The following BAZ1A variants were observed in gnomAD, a reference collection of about 807,000 sequenced individuals.
BAZ1A encodes bromodomain adjacent to zinc finger domain 1A, also known as bromodomain adjacent to zinc finger domain protein 1A.
BAZ1A carries 50 observed loss-of-function variants against 185.2 expected under a neutral mutation model. That is an observed-to-expected ratio of 0.27 (90% CI 0.22 to 0.34). The LOEUF (loss-of-function observed/expected upper bound fraction) is 0.34, where lower values mean the gene tolerates loss of function less well. Ranked by LOEUF, BAZ1A falls within the 10% of genes least tolerant of loss-of-function variation. The probability of loss-of-function intolerance (pLI) is 1.00; values close to 1 mark genes in which losing one functional copy is unlikely to be tolerated. For synonymous variants in BAZ1A, 571 were observed against 615.6 expected (o/e 0.93, Z 1.07); for missense variants, 1,356 against 1,839.9 (o/e 0.74, Z 4.81).
intron 25 of BAZ1A, among the ~76,000 whole-genome samples, 180 bp from the exon 26 acceptor site, chr14:34,755,094 T>C (rs1199415090): frequency 6.6e-6 from 1 of 152,080 alleles, no homozygotes; most frequent in African/African-American, 2.4e-5. Context: ...TATACAGATA[T>C]ATATCTATAT....
intron 4 of BAZ1A, among the ~76,000 whole-genome samples, chr14:34,813,215 AACACACACAC>A: frequency 6.7e-6 from 1 of 150,006 alleles, no homozygotes; most frequent in East Asian, 2.0e-4. Flanking sequence ...AAACCTACAA[AACACACACAC>A]ACACACACAC....
intron 26 of BAZ1A, 63 bp from the exon 27 acceptor site, chr14:34,753,767 C>T: frequency 2.4e-6 from 3 of 1,262,620 alleles, no homozygotes; most frequent in Non-Finnish European, 3.1e-6. Context: ...AAATATAATT[C>T]TTGTATCATA....
intron 3 of BAZ1A, among the ~76,000 whole-genome samples, chr14:34,842,979 G>A (rs973713210): frequency 1.3e-5 from 2 of 151,640 alleles, no homozygotes; most frequent in African/African-American, 4.8e-5. Context: ...AAAAAAAAAA[G>A]GGTATATGTC....
intron 19 of BAZ1A, 79 bp downstream of exon 19, chr14:34,774,248 A>G: frequency 8.3e-7 from 1 of 1,199,470 alleles, no homozygotes; most frequent in Non-Finnish European, 1.1e-6. Flanking sequence ...TGCCTTGTCT[A>G]TGCCATATAA....
rs1156646533 is a variant in BAZ1A, at chr14:34,874,642, G to T, written c.-38C>A. 2.0e-6 allele frequency: 3 copies of T among 1,506,220 alleles called. No individual in the cohort carries two copies. The highest frequency in any genetic ancestry group is 1.8e-6 in the Non-Finnish European group (2 of 1,102,632). 93.3% of individuals were successfully genotyped at this position (1,506,220 alleles called of 1,614,324 possible). On this transcript the variant is annotated 5_prime_UTR_variant, in exon 2 of 27. Coordinates refer to ENST00000360310, the MANE Select transcript of BAZ1A (RefSeq NM_013448.3). This position sits in a 1 kb window ranked among gnomAD's most constrained non-coding sequence, Gnocchi z 4.7. Reference sequence around the variant, plus strand: ...CGCGGGCTCGCCTGGACCCTCGGCCGCCCGCGCCGGCCCCGCTTCCCTATC... The same window carrying T: ...CGCGGGCTCGCCTGGACCCTCGGCCTCCCGCGCCGGCCCCGCTTCCCTATC...
At chr14:34,794,724 A>C in intron 11 of BAZ1A, 25 bp downstream of exon 11, 1 of 1,597,788 alleles carries the variant, frequency 6.3e-7, no homozygotes, top group Non-Finnish European at 8.5e-7. Context: ...ACTATAATGT[A>C]GCAATAGATA....
chr14:34,802,859 T>C lies in BAZ1A; in HGVS notation c.856A>G (p.Ser286Gly). ...RGRPPKRIHI[S>G]QEDNVANKQT... ...TTAATCAATTCTGTACTTACTTGAC[T>C]AATATGTATTCGTTTGGGAGGTCTC... Residue 286 changes from serine to glycine, a missense_variant, in exon 7 of 27, where the codon AGT (serine) becomes GGT (glycine). Physicochemically the swap from Ser to Gly is moderately conservative, Grantham distance 56. Transcript: ENST00000360310. 1 of 1,612,670 alleles carries C rather than the reference T, an allele frequency of 6.2e-7. No homozygotes were observed. Among genetic ancestry groups the C allele is most frequent in the Non-Finnish European group, 8.5e-7 (1 of 1,179,132 alleles).
intron 3 of BAZ1A, among the ~76,000 whole-genome samples, chr14:34,839,262 T>C (rs562348129): frequency 6.6e-6 from 1 of 152,224 alleles, no homozygotes; most frequent in African/African-American, 2.4e-5. Flanking sequence ...ATTTCAGAAC[T>C]TGGCCGGGCG....
At chr14:34,828,156 G>A (rs1408975202) in intron 3 of BAZ1A, among the ~76,000 whole-genome samples, 1 of 151,942 alleles carries the variant, frequency 6.6e-6, no homozygotes, top group Non-Finnish European at 1.5e-5. Context: ...AACTGGGCGT[G>A]GTGGCACATG....
chr14:34,765,881 G>A (rs1288020033), intron 21 of BAZ1A, among the ~76,000 whole-genome samples: 2 of 152,084 alleles, frequency 1.3e-5, no homozygotes, highest in East Asian at 3.8e-4. Flanking sequence ...TTATACTGGT[G>A]TGTGATTTCC....
At position 34,753,248 on chromosome 14, in the gene BAZ1A, A is replaced by T; in HGVS notation, c.*260T>A. 2.6e-6 allele frequency: 1 copy of T among 389,282 alleles called. No individual in the cohort carries two copies. Among genetic ancestry groups the T allele is most frequent in the Non-Finnish European group, 4.6e-6 (1 of 216,178 alleles). The allele number at this position is 389,282 out of a possible 1,614,324, so 24.1% of individuals were successfully genotyped here. On this transcript the variant is annotated 3_prime_UTR_variant, in exon 27 of 27. Coordinates refer to ENST00000360310, the MANE Select transcript of BAZ1A (RefSeq NM_013448.3). ...TCCAAGATCTCTGGACACATGAATG[A>T]TCTCAAAAATGTACAAAAACCTCTG... is the stretch of plus-strand genomic sequence containing the variant.
intron 6 of BAZ1A, among the ~76,000 whole-genome samples, chr14:34,805,029 C>T (rs1048951935): frequency 6.6e-6 from 1 of 152,124 alleles, no homozygotes; most frequent in African/African-American, 2.4e-5. Flanking sequence ...ATGGAGCAGG[C>T]TTCCCCCTTG....
At chr14:34,815,462 A>G (rs1232033361) in intron 4 of BAZ1A, among the ~76,000 whole-genome samples, 1 of 152,242 alleles carries the variant, frequency 6.6e-6, no homozygotes, top group Non-Finnish European at 1.5e-5. Context: ...AGTGATCTCA[A>G]TTATGATGGT....
In BAZ1A at chr14:34,790,592, G is replaced by A. The variant is rs183099038; in HGVS notation, c.1510+2183C>T. Among the ~76,000 whole-genome samples, 268 of 152,024 alleles carry A rather than the reference G, an allele frequency of 1.8e-3. 2 individuals carry two copies. Among genetic ancestry groups the A allele is most frequent in the African/African-American group, 6.0e-3 (247 of 41,510 alleles). On this transcript the variant is annotated intron_variant, in intron 12 of 26. Transcript: ENST00000360310. ...TGGTCTTGAACTCCTGACCTTAAGT[G>A]ATCTGCCCACCTCAGCCTCCCAAAA...
intron 3 of BAZ1A, among the ~76,000 whole-genome samples, chr14:34,857,199 G>T (rs111848201): frequency 1.3e-5 from 2 of 151,632 alleles, no homozygotes; most frequent in Non-Finnish European, 2.9e-5. Flanking sequence ...GTAGAGATGG[G>T]GTTTCACCGT....
chr14:34,785,878 C>G lies in BAZ1A; in HGVS notation c.1730G>C (p.Gly577Ala), dbSNP rs1566560886. The change falls in exon 14 of 27, where the codon GGA (glycine) becomes GCA (alanine). Residue 577 changes from glycine to alanine, a missense_variant. By Grantham distance (60) the Gly-to-Ala change is moderately conservative. This residue lies in a region of BAZ1A where 184 missense variants were observed against 355.1 expected (regional missense o/e 0.52). Coordinates refer to ENST00000360310, the MANE Select transcript of BAZ1A (RefSeq NM_013448.3). ...ANAKYRYQKR[G>A]GFDATDDACM... ...AGCATCATCTGTAGCATCAAATCCT[C>G]CTCGTTTTTGATATCTATACTTTGC... 2 of 1,613,920 alleles carry G rather than the reference C, an allele frequency of 1.2e-6. No individual in the cohort carries two copies. Among genetic ancestry groups the G allele is most frequent in the Non-Finnish European group, 1.7e-6 (2 of 1,180,020 alleles).
chr14:34,764,624 T>A, intron 23 of BAZ1A, 83 bp downstream of exon 23: 2 of 1,513,988 alleles, frequency 1.3e-6, no homozygotes, highest in Non-Finnish European at 1.8e-6. Flanking sequence ...TTACAGACCC[T>A]AACTATTCCA....
chr14:34,762,146 C>T lies in BAZ1A; in HGVS notation c.3854G>A (p.Arg1285His), dbSNP rs545004797. 2.2e-5 allele frequency: 36 copies of T among 1,614,138 alleles called. No individual in the cohort carries two copies. In the South Asian group the frequency reaches 2.4e-4, roughly 11 times the overall value. ...RGKLSSSFSS[R>H]GQQQEPGRYP... ...TCTTCCAGGTTCTTGTTGTTGGCCA[C>T]GACTTGAGAAAGAAGAGCTAAGTTT... Residue 1285 changes from arginine (R) to histidine (H), a missense_variant, in exon 24 of 27, where the codon CGT becomes CAT. By Grantham distance (29) the Arg-to-His change is conservative. Around this residue, in one of 7 missense-constraint regions of BAZ1A, gnomAD observed 309 missense variants for 355.3 expected, o/e 0.87. Coordinates refer to ENST00000360310, the MANE Select transcript of BAZ1A (RefSeq NM_013448.3).
Position 34,789,621 on chromosome 14 carries a change from C to T in BAZ1A, c.1510+3154G>A, listed in dbSNP as rs543989705. Reference sequence around the variant, plus strand: ...AAAACTGTTCTATATAAAGAGGATGCTCTTGTTCCCATACTTTGAAGGGCT... The same window carrying T: ...AAAACTGTTCTATATAAAGAGGATGTTCTTGTTCCCATACTTTGAAGGGCT... On this transcript the variant is annotated intron_variant, in intron 12 of 26. Coordinates refer to ENST00000360310, the MANE Select transcript of BAZ1A (RefSeq NM_013448.3). Among the ~76,000 whole-genome samples, 346 of 152,244 alleles carry T rather than the reference C, an allele frequency of 2.3e-3. 1 individual carries two copies. The highest frequency in any genetic ancestry group is 3.3e-3 in the Non-Finnish European group (222 of 68,004).
Sources: allele counts gnomAD v4.1 joint callset (sites outside exome capture counted in the v4.1 genomes callset), GRCh38; gene constraint gnomAD v4.1.1; regional missense constraint gnomAD v4.1.1; non-coding constraint Gnocchi (gnomAD v3.1); transcripts MANE v1.5; gene names NCBI Gene and HGNC (gene_info 2026-07-23, HGNC 2026-07-21).